CENPM: variants seen among roughly 807,000 people sequenced by gnomAD.
CENPM encodes the protein centromere protein M.
A neutral mutation model predicts 19.6 loss-of-function variants in CENPM; 14 were observed. The ratio of observed to expected loss-of-function variants is 0.71; its 90% CI spans 0.47 to 1.11. CENPM has a LOEUF of 1.11. CENPM is among the 50% of genes most tolerant of loss of function. CENPM has a pLI of 0.00. For missense variants in CENPM, 239 were observed against 228.4 expected (o/e 1.05, Z -0.30); for synonymous variants, 114 against 101.5 (o/e 1.12, Z -0.74).
chr22:41,945,199 C>T lies in CENPM; in HGVS notation c.310+26G>A, dbSNP rs766600350. On this transcript the variant is annotated intron_variant, in intron 4 of 5. Coordinates refer to ENST00000215980, the MANE Select transcript of CENPM (RefSeq NM_024053.5). ...CAGCTTTCCCTTGGCTGGGGGTGGG[C>T]AGTAACAGGCGAGGAACGTACTTAC... The T allele has an allele frequency of 5.0e-6, 8 of 1,613,662 alleles. No homozygotes were observed. The Admixed American group carries it at 1.0e-4, about 20-fold the overall frequency.
Position 41,947,101 on chromosome 22 carries a change from T to C in CENPM, c.-25A>G, listed in dbSNP as rs1569429425. The C allele has an allele frequency of 6.2e-7, 1 of 1,611,304 alleles. No individual in the cohort carries two copies. The highest frequency in any genetic ancestry group is 2.2e-5 in the East Asian group (1 of 44,816). On this transcript the variant is annotated 5_prime_UTR_variant, in exon 1 of 6. Coordinates refer to ENST00000215980, the MANE Select transcript of CENPM (RefSeq NM_024053.5). ...TCACAGCCGCAGGACCAACCGTTGC[T>C]CCTGCGGTGCGCGCCGATCTTTCAA...
chr22:41,943,783 C>G, intron 4 of CENPM, 82 bp from the exon 5 acceptor site: 3 of 1,224,794 alleles, frequency 2.4e-6, no homozygotes, highest in South Asian at 2.8e-5. Context: ...GAGTCACTCA[C>G]TTCCCCACTC....
At chr22:41,945,500 G>A (rs1037684490) in intron 3 of CENPM, 196 bp from the exon 4 acceptor site, 5 of 1,147,168 alleles carry the variant, frequency 4.4e-6, no homozygotes, top group Admixed American at 3.0e-5. Flanking sequence ...GCCCAGGCTG[G>A]AGTGCAGTAG....
At chr22:41,932,136 G>A in the CENPM span, among the ~76,000 whole-genome samples, 1 of 152,182 alleles carries the variant, frequency 6.6e-6, no homozygotes, top group Admixed American at 6.5e-5. The surrounding 1 kb of genome is among the most constrained non-coding windows in gnomAD (Gnocchi z 4.3). Flanking sequence ...GGCTCTGCTG[G>A]CTGGGTTGGG....
the CENPM span, among the ~76,000 whole-genome samples, chr22:41,927,249 A>T: frequency 6.6e-6 from 1 of 151,908 alleles, no homozygotes; most frequent in Non-Finnish European, 1.5e-5. Context: ...TGGTTCCCCA[A>T]TTCAGCCCCT....
downstream of CENPM, among the ~76,000 whole-genome samples, chr22:41,935,647 G>A (rs998928120): frequency 1.1e-4 from 17 of 152,134 alleles, no homozygotes; most frequent in African/African-American, 3.6e-4. Context: ...TTTTTGCTGC[G>A]GGCGAAGGCC....
rs1426858010 is a variant in CENPM at position 41,939,047 on chromosome 22, C to T, written c.*9G>A. On this transcript the variant is annotated 3_prime_UTR_variant, in exon 6 of 6. Coordinates refer to ENST00000215980, the MANE Select transcript of CENPM (RefSeq NM_024053.5). ...CCATGAGAAGGGGCAGCCCAGGGGC[C>T]AGCCACCCTCACAGGTCCTCCAGGG... The T allele has an allele frequency of 3.1e-6, 5 of 1,612,388 alleles. No homozygotes were observed. Among genetic ancestry groups the T allele is most frequent in the Non-Finnish European group, 3.4e-6 (4 of 1,179,752 alleles).
the CENPM span, among the ~76,000 whole-genome samples, chr22:41,931,405 G>A: frequency 9.2e-5 from 14 of 151,892 alleles, no homozygotes; most frequent in Admixed American, 7.9e-4. Flanking sequence ...GTTTGAACCC[G>A]GAAGCCAGAG....
intron 5 of CENPM, among the ~76,000 whole-genome samples, chr22:41,941,605 C>T (rs909462964): frequency 9.2e-5 from 14 of 152,236 alleles, no homozygotes; most frequent in African/African-American, 1.2e-4. Context: ...CAAAGTCACA[C>T]GGTCAGCAGG....
intron 2 of CENPM, 73 bp downstream of exon 2, chr22:41,946,344 A>G (rs1489517039): frequency 1.5e-6 from 2 of 1,297,220 alleles, no homozygotes; most frequent in African/African-American, 2.9e-5. Context: ...TGGGCTTCGG[A>G]GTTTAGCAGC....
chr22:41,943,537 G>A (rs1471564433), intron 5 of CENPM, 73 bp downstream of exon 5: 3 of 1,292,748 alleles, frequency 2.3e-6, no homozygotes, highest in Non-Finnish European at 3.3e-6. Context: ...CATTCCCAAT[G>A]TGCCCACTGT....
At chr22:41,937,412 C>T (rs2077688424), downstream of CENPM, among the ~76,000 whole-genome samples, 1 of 152,176 alleles carries the variant, frequency 6.6e-6, no homozygotes, top group Non-Finnish European at 1.5e-5. Context: ...TTTCCTGCCT[C>T]AGCCTCCCAA....
At chr22:41,941,271 G>T (rs1243018848) in intron 5 of CENPM, among the ~76,000 whole-genome samples, 1 of 152,236 alleles carries the variant, frequency 6.6e-6, no homozygotes, top group East Asian at 1.9e-4. Context: ...GCAGAAGAGT[G>T]TTCTGAAGAG....
Position 41,938,767 on chromosome 22 carries a change from T to A in CENPM, c.*289A>T. The stretch of plus-strand genomic sequence containing the variant: ...TTTAAACTTTTTTTAGCCACAGACC[T>A]TTTGTTCAAAGGAAACCTTAAATGG... On this transcript the variant is annotated 3_prime_UTR_variant, in exon 6 of 6. Coordinates refer to ENST00000215980, the MANE Select transcript of CENPM (RefSeq NM_024053.5). The A allele has an allele frequency of 2.7e-6, 1 of 363,854 alleles. No homozygotes were observed. Among genetic ancestry groups the A allele is most frequent in the Non-Finnish European group, 5.0e-6 (1 of 201,052 alleles). 22.5% of individuals were successfully genotyped at this position (363,854 alleles called of 1,614,324 possible).
downstream of CENPM, among the ~76,000 whole-genome samples, chr22:41,938,363 C>CTTTTT (rs564451166): frequency 5.3e-5 from 5 of 94,404 alleles, no homozygotes; most frequent in Admixed American, 1.4e-4. Flanking sequence ...GCTGGTCTCG[C>CTTTTT]TTTTTTTTTT....
chr22:41,931,982 G>A, the CENPM span, among the ~76,000 whole-genome samples: 6 of 152,252 alleles, frequency 3.9e-5, no homozygotes, highest in Admixed American at 6.5e-5. Context: ...GACAAAGGGC[G>A]TTTCCCCACG....
intron 5 of CENPM, among the ~76,000 whole-genome samples, chr22:41,942,091 C>T (rs1456728438): frequency 6.6e-6 from 1 of 152,206 alleles, no homozygotes; most frequent in Non-Finnish European, 1.5e-5. Context: ...TGCATTTCAT[C>T]ACTTTGCTTT....
At chr22:41,943,471 T>G (rs558332309) in intron 5 of CENPM, 139 bp downstream of exon 5, 9 of 673,256 alleles carry the variant, frequency 1.3e-5, no homozygotes, top group South Asian at 1.3e-4. Flanking sequence ...ACCAGGATCC[T>G]GTGTCTCCCT....
downstream of CENPM, among the ~76,000 whole-genome samples, chr22:41,934,790 C>G (rs1355259287): frequency 6.6e-6 from 1 of 152,218 alleles, no homozygotes; most frequent in Non-Finnish European, 1.5e-5. Flanking sequence ...GGTGAGTGAC[C>G]TGCCTGAGGT....
Sources: allele counts gnomAD v4.1 joint callset (sites outside exome capture counted in the v4.1 genomes callset), GRCh38; gene constraint gnomAD v4.1.1; non-coding constraint Gnocchi (gnomAD v3.1); transcripts MANE v1.5; gene names NCBI Gene and HGNC (gene_info 2026-07-23, HGNC 2026-07-21).